Variants in RASIP1 observed in about 807,000 individuals in gnomAD.
RASIP1 encodes Ras interacting protein 1, also known as ras-interacting protein 1.
In RASIP1, 20 loss-of-function variants were observed where a neutral mutation model predicts 85.3. The observed-to-expected ratio is 0.23, with a 90% CI of 0.17 to 0.34. The LOEUF (loss-of-function observed/expected upper bound fraction) is 0.34. RASIP1 is among the 10% of genes least tolerant of loss of function. The probability of loss-of-function intolerance (pLI) is 1.00; values close to 1 mark genes in which losing one functional copy is unlikely to be tolerated. For synonymous variants in RASIP1, 617 were observed against 647.1 expected (o/e 0.95, Z 0.71); for missense variants, 1,170 against 1,390.9 (o/e 0.84, Z 2.53).
chr19:48,721,401 G>A (rs370960431), intron 11 of RASIP1, among the ~76,000 whole-genome samples: 2 of 152,152 alleles, frequency 1.3e-5, no homozygotes, highest in South Asian at 2.1e-4. Context: ...TTGAACTCCT[G>A]TATCTTGACG....
At chr19:48,725,790 C>T (rs769325317) in intron 8 of RASIP1, among the ~76,000 whole-genome samples, 5 of 152,110 alleles carry the variant, frequency 3.3e-5, no homozygotes, top group Non-Finnish European at 7.4e-5. Context: ...ATTTATCTAT[C>T]TATTATATAT....
At chr19:48,723,162 A>AG (rs1398873301) in intron 10 of RASIP1, among the ~76,000 whole-genome samples, 2 of 152,222 alleles carry the variant, frequency 1.3e-5, no homozygotes, top group African/African-American at 4.8e-5. Flanking sequence ...CTGGCATTAC[A>AG]GGCATTAGCC....
In RASIP1 at chr19:48,740,301, G is replaced by C. The variant is rs575729673; in HGVS notation, c.-4-15C>G. 3.2e-6 allele frequency: 5 copies of C among 1,568,756 alleles called. No individual in the cohort carries two copies. The East Asian group carries it at 9.7e-5, about 30-fold the overall frequency. ...ACAGCATGGCCCTAAGGGAAGGCGGGTAAGGCCCCAACTCCTAAGGCATTC... is the reference window on the plus strand; with the variant it reads ...ACAGCATGGCCCTAAGGGAAGGCGGCTAAGGCCCCAACTCCTAAGGCATTC... On this transcript the variant is annotated splice_polypyrimidine_tract_variant and intron_variant, in intron 1 of 11. Coordinates refer to ENST00000222145, the MANE Select transcript of RASIP1 (RefSeq NM_017805.3). This position sits in a 1 kb window ranked among gnomAD's most constrained non-coding sequence, Gnocchi z 5.5.
At position 48,739,532 on chromosome 19, in the gene RASIP1, C is replaced by T; in HGVS notation, c.251G>A (p.Ser84Asn). 6.6e-7 allele frequency: 1 copy of T among 1,515,902 alleles called. No individual in the cohort carries two copies. The highest frequency in any genetic ancestry group is 8.8e-7 in the Non-Finnish European group (1 of 1,136,850). The allele number at this position is 1,515,902 out of a possible 1,614,324, so 93.9% of individuals were successfully genotyped here. Residue 84 changes from serine (S) to asparagine (N), a missense_variant, in exon 3 of 12, where the codon AGC becomes AAC. Ser to Asn is a conservative substitution (Grantham distance 46, BLOSUM62 1). Transcript: ENST00000222145. The surrounding 1 kb of genome is among the most constrained non-coding windows in gnomAD (Gnocchi z 9.2). ...GAGCTGGGAGATGCGCTTGGCGCGGCTACCGGAGGCTCCCCCGGCCGCCTT... is the reference window on the plus strand; with the variant it reads ...GAGCTGGGAGATGCGCTTGGCGCGGTTACCGGAGGCTCCCCCGGCCGCCTT... The part of the protein sequence containing the change: ...AVKAAGGASG[S>N]RAKRISQLFR...
chr19:48,732,796 G>A (rs1184985816), intron 4 of RASIP1, among the ~76,000 whole-genome samples: 1 of 152,168 alleles, frequency 6.6e-6, no homozygotes, highest in African/African-American at 2.4e-5. Flanking sequence ...CTTTCCTGAA[G>A]AGAGTCTTAC....
At position 48,740,381 on chromosome 19, in the gene RASIP1, T is replaced by C; in HGVS notation, c.-4-95A>G. On this transcript the variant is annotated intron_variant, in intron 1 of 11. Coordinates refer to ENST00000222145, the MANE Select transcript of RASIP1 (RefSeq NM_017805.3). This position sits in a 1 kb window ranked among gnomAD's most constrained non-coding sequence, Gnocchi z 5.5. ...CTCCGAGTCAGAGGGAGGAGGGGGCTGGGGCTCAGACTTGCGAGTCCAGGG... is the reference window on the plus strand; with the variant it reads ...CTCCGAGTCAGAGGGAGGAGGGGGCCGGGGCTCAGACTTGCGAGTCCAGGG... The C allele has an allele frequency of 6.8e-7, 1 of 1,465,022 alleles. No individual in the cohort carries two copies. 90.8% of individuals were successfully genotyped at this position (1,465,022 alleles called of 1,614,324 possible).
In RASIP1 at chr19:48,735,495, C is replaced by T. The variant is rs570946701; in HGVS notation, c.880G>A (p.Gly294Arg). 128 of 1,557,932 alleles carry T rather than the reference C, an allele frequency of 8.2e-5. No individual in the cohort carries two copies. Among genetic ancestry groups the T allele is most frequent in the Middle Eastern group, 3.7e-4 (2 of 5,416 alleles). Residue 294 changes from glycine (G) to arginine (R), a missense_variant, in exon 4 of 12, where the codon GGG (glycine) becomes AGG (arginine). Around this residue, in one of 4 missense-constraint regions of RASIP1, gnomAD observed 301 missense variants for 294.8 expected, o/e 1.02. Transcript: ENST00000222145. The part of the protein sequence containing the change: ...QKNRSRAASG[G>R]AALASPGPGT... ...GGGCCAGGACTGGCCAGCGCTGCCCCACCCGACGCCGCCCGGGAGCGGTTC... is the reference window on the plus strand; with the variant it reads ...GGGCCAGGACTGGCCAGCGCTGCCCTACCCGACGCCGCCCGGGAGCGGTTC...
intron 4 of RASIP1, among the ~76,000 whole-genome samples, chr19:48,730,639 C>A (rs2033438950): frequency 6.6e-6 from 1 of 152,178 alleles, no homozygotes; most frequent in Non-Finnish European, 1.5e-5. Flanking sequence ...TATTTCACCC[C>A]CACCCCACCA....
intron 4 of RASIP1, among the ~76,000 whole-genome samples, chr19:48,729,858 G>A (rs963435078): frequency 6.6e-6 from 1 of 151,672 alleles, no homozygotes; most frequent in African/African-American, 2.4e-5. Flanking sequence ...GGGAGTACAG[G>A]CGCCTGCCAC....
At chr19:48,735,796 T>C (rs452270) in intron 3 of RASIP1, among the ~76,000 whole-genome samples, 58,758 of 150,582 alleles carry the variant, frequency 0.39, 12,236 homozygotes, top group Middle Eastern at 0.57. Flanking sequence ...TGTTCTTCTT[T>C]TTTTTTTTTT....
rs2033395474 is a variant in RASIP1 at position 48,729,012 on chromosome 19, G to A, written c.1758C>T (p.Ser586=). ...ATLLALCVQH[S]ARELELGHLP... is the part of the protein sequence containing the mutation. ...GGTGGCCCAGCTCCAGCTCACGGGCGGAATGCTGCACGCACAGCGCCAGCA... is the reference window on the plus strand; with the variant it reads ...GGTGGCCCAGCTCCAGCTCACGGGCAGAATGCTGCACGCACAGCGCCAGCA... Residue 586 remains serine (S), a synonymous_variant, in exon 5 of 12, where the codon TCC becomes TCT. Coordinates refer to ENST00000222145, the MANE Select transcript of RASIP1 (RefSeq NM_017805.3). 3 of 1,448,928 alleles carry A rather than the reference G, an allele frequency of 2.1e-6. No individual in the cohort carries two copies. The East Asian group carries it at 9.0e-5, about 43-fold the overall frequency. 89.8% of individuals were successfully genotyped at this position (1,448,928 alleles called of 1,614,324 possible). A position where few individuals can be genotyped will look rare whatever the true frequency, so the allele number is the denominator to read the frequency against.
Position 48,739,330 on chromosome 19 carries a change from G to A in RASIP1, c.453C>T (p.Phe151=). 7.3e-7 allele frequency: 1 copy of A among 1,370,024 alleles called. No individual in the cohort carries two copies. Among genetic ancestry groups the A allele is most frequent in the Admixed American group, 3.8e-5 (1 of 26,576 alleles). 84.9% of individuals were successfully genotyped at this position (1,370,024 alleles called of 1,614,324 possible). The change falls in exon 3 of 12, where the codon TTC becomes TTT. Residue 151 remains phenylalanine, a synonymous_variant. Coordinates refer to ENST00000222145, the MANE Select transcript of RASIP1 (RefSeq NM_017805.3). The surrounding 1 kb of genome is among the most constrained non-coding windows in gnomAD (Gnocchi z 9.2). The part of the protein sequence containing the change: ...ATAPPGVLKI[F]GAGLASGANY... ...TGGCGCCCGATGCCAGTCCGGCGCC[G>A]AAGATCTTGAGGACCCCCGGAGGCG...
At chr19:48,732,436 A>G (rs1426490716) in intron 4 of RASIP1, among the ~76,000 whole-genome samples, 2 of 151,696 alleles carry the variant, frequency 1.3e-5, no homozygotes, top group African/African-American at 2.4e-5. Context: ...TTATATTTTT[A>G]GTAGACATAG....
intron 5 of RASIP1, among the ~76,000 whole-genome samples, chr19:48,727,955 C>T (rs281406): frequency 0.92 from 140,280 of 152,178 alleles, 64,805 homozygotes; most frequent in Middle Eastern, 0.98. Context: ...CCCAAAGTGC[C>T]GGGATTACAG....
chr19:48,735,373 C>T lies in RASIP1; in HGVS notation c.1002G>A (p.Gly334=), dbSNP rs1442185925. ...TCCGCTCCTGCTGCCGCCGCCGCCGCCCCTGAAGGCTAAGCTCCGACACGC... is the reference window on the plus strand; with the variant it reads ...TCCGCTCCTGCTGCCGCCGCCGCCGTCCCTGAAGGCTAAGCTCCGACACGC... ...RRSVSELSLQ[G]RRRRQQERRQ... The change falls in exon 4 of 12, where the codon GGG becomes GGA. Residue 334 remains glycine (G), a synonymous_variant. Coordinates refer to ENST00000222145, the MANE Select transcript of RASIP1 (RefSeq NM_017805.3). 1 of 1,613,338 alleles carries T rather than the reference C, an allele frequency of 6.2e-7. No individual in the cohort carries two copies.
Position 48,729,471 on chromosome 19 carries a change from G to T in RASIP1, c.1299C>A (p.Ile433=). 2 of 1,577,402 alleles carry T rather than the reference G, an allele frequency of 1.3e-6. No individual in the cohort carries two copies. The highest frequency in any genetic ancestry group is 1.7e-6 in the Non-Finnish European group (2 of 1,162,368). ...YVDTFLNAPD[I]LPRHCTVRAG... ...CGCGCACTGTGCAGTGACGCGGCAGGATGTCCGGGGCGTTGAGGAAGGTGT... is the reference window on the plus strand; with the variant it reads ...CGCGCACTGTGCAGTGACGCGGCAGTATGTCCGGGGCGTTGAGGAAGGTGT... The change falls in exon 5 of 12, where the codon ATC becomes ATA. Residue 433 remains isoleucine, a synonymous_variant. Coordinates refer to ENST00000222145, the MANE Select transcript of RASIP1 (RefSeq NM_017805.3).
At chr19:48,729,860 G>T (rs559998658) in intron 4 of RASIP1, among the ~76,000 whole-genome samples, 3 of 151,650 alleles carry the variant, frequency 2.0e-5, no homozygotes, top group African/African-American at 7.3e-5. Context: ...GAGTACAGGC[G>T]CCTGCCACCA....
chr19:48,721,857 T>C lies in RASIP1; in HGVS notation c.2689A>G (p.Thr897Ala). ...PPPAEREAVD[T>A]GDIFESFSSH... ...GCTGTATCCCATTGCTCCTCACCTG[T>C]GTCCACAGCCTCCCGCTCTGCAGGG... Residue 897 changes from threonine to alanine, a missense_variant, in exon 11 of 12, where the codon ACA (threonine) becomes GCA (alanine). Coordinates refer to ENST00000222145, the MANE Select transcript of RASIP1 (RefSeq NM_017805.3). The C allele has an allele frequency of 6.2e-7, 1 of 1,605,556 alleles. No individual in the cohort carries two copies. The highest frequency in any genetic ancestry group is 8.5e-7 in the Non-Finnish European group (1 of 1,176,614).
chr19:48,734,078 G>A (rs1345293777), intron 4 of RASIP1, among the ~76,000 whole-genome samples: 9 of 151,968 alleles, frequency 5.9e-5, no homozygotes, highest in Admixed American at 1.3e-4. Flanking sequence ...GGCGGATCAC[G>A]AGGTCAAGAG....
Sources: gnomAD v4.1 joint callset for allele counts (sites outside exome capture counted in the v4.1 genomes callset) on GRCh38, gnomAD v4.1.1 for gene constraint, gnomAD v4.1.1 regional missense constraint, Gnocchi (gnomAD v3.1) non-coding constraint, MANE v1.5 for transcripts, NCBI Gene and HGNC (gene_info 2026-07-23, HGNC 2026-07-21) for gene names.